ZNF273: variants seen among roughly 807,000 people sequenced by gnomAD.
The protein encoded by ZNF273 is zinc finger protein 9.
A neutral mutation model predicts 14.9 loss-of-function variants in ZNF273; 11 were observed. The ratio of observed to expected loss-of-function variants is 0.74; its 90% CI spans 0.46 to 1.22. The LOEUF (loss-of-function observed/expected upper bound fraction) is 1.22. ZNF273 is among the 50% of genes most tolerant of loss of function. The pLI, the probability that ZNF273 is intolerant of heterozygous loss-of-function variation, is 0.00. For synonymous variants in ZNF273, 199 were observed against 223.9 expected, an observed-to-expected ratio of 0.89 and a Z score of 0.99; for missense variants, 577 against 660.6, an observed-to-expected ratio of 0.87 and a Z score of 1.39.
At chr7:64,882,989 G>A (rs1053709344), downstream of ZNF273, among the ~76,000 whole-genome samples, 1 of 152,244 alleles carries the variant, frequency 6.6e-6, no homozygotes, top group Admixed American at 6.5e-5. Context: ...GCGCGTGTGT[G>A]TGTTTCTGTG....
At chr7:64,899,423 G>A (rs924470764), upstream of ZNF273, among the ~76,000 whole-genome samples, 3 of 152,204 alleles carry the variant, frequency 2.0e-5, no homozygotes, top group Non-Finnish European at 2.9e-5. Flanking sequence ...GGGAGGCCAA[G>A]GTGAGTGGAT....
rs1239360515 is a variant in ZNF273, at chr7:64,917,613, A to AT, written c.137dup (p.Ser47LeufsTer17). 1 of 1,599,818 alleles carries AT rather than the reference A, an allele frequency of 6.3e-7. No individual in the cohort carries two copies. The highest frequency in any genetic ancestry group is 1.3e-5 in the African/African-American group (1 of 74,652). On this transcript the variant is annotated frameshift_variant, in exon 2 of 4. Coordinates refer to ENST00000476120, the MANE Select transcript of ZNF273 (RefSeq NM_021148.3). LOFTEE classifies it high-confidence loss of function. Reference sequence around the variant, plus strand: ...TGACATTTAGGGATGTGGCCATAGAATTCTCTCTGGAGGAGTGGCAATGCC... The same window carrying AT: ...TGACATTTAGGGATGTGGCCATAGAATTTCTCTCTGGAGGAGTGGCAATGCC...
At chr7:64,921,172 CT>C (rs1235865622) in intron 3 of ZNF273, among the ~76,000 whole-genome samples, 6 of 151,866 alleles carry the variant, frequency 4.0e-5, no homozygotes, top group Non-Finnish European at 7.4e-5. Flanking sequence ...TTAAGTGATT[CT>C]CCTGCCTCAG....
chr7:64,917,541 C>T, intron 1 of ZNF273, 40 bp from the exon 2 acceptor site: 5 of 1,572,606 alleles, frequency 3.2e-6, no homozygotes, highest in Non-Finnish European at 4.3e-6. Context: ...CTGTCCAGAG[C>T]AAGTTGGTAA....
At chr7:64,897,729 T>C (rs928846116) in exon 4 of ZNF273, 3 of 126,954 alleles carry the variant, frequency 2.4e-5, no homozygotes, top group African/African-American at 8.7e-5. Flanking sequence ...TTTTTTTTTT[T>C]CTGAGACGGA....
chr7:64,886,462 A>C (rs1380865023), intron 1 of ZNF273, among the ~76,000 whole-genome samples: 1 of 152,254 alleles, frequency 6.6e-6, no homozygotes, highest in Non-Finnish European at 1.5e-5. Context: ...TTGGTGGAGA[A>C]AATTTAACTC....
At chr7:64,888,272 C>T (rs906226368) in intron 1 of ZNF273, 3 of 984,760 alleles carry the variant, frequency 3.0e-6, no homozygotes, top group Non-Finnish European at 3.6e-6. Flanking sequence ...ATGTCCCTGT[C>T]TCTATGGGGG....
At position 64,928,399 on chromosome 7, in the gene ZNF273, G is replaced by A; in HGVS notation, c.1071G>A (p.Trp357Ter). 6.2e-7 allele frequency: 1 copy of A among 1,611,566 alleles called. No homozygotes were observed. Among genetic ancestry groups the A allele is most frequent in the Non-Finnish European group, 8.5e-7 (1 of 1,179,442 alleles). Residue 357 changes from tryptophan (W) to a stop codon, truncating the protein, a stop_gained, in exon 4 of 4, where the codon TGG (tryptophan) becomes TGA (stop). Coordinates refer to ENST00000476120, the MANE Select transcript of ZNF273 (RefSeq NM_021148.3). LOFTEE classifies it high-confidence loss of function. ...ATGAATGTGGTAAAGCCTTTAACTGGTCCTCAACTCTTACTAAACATAAGA... is the reference window on the plus strand; with the variant it reads ...ATGAATGTGGTAAAGCCTTTAACTGATCCTCAACTCTTACTAAACATAAGA... Reference protein sequence around the residue: ...KCNECGKAFNWSSTLTKHKRI... With the variant: ...KCNECGKAFN
intron 3 of ZNF273, chr7:64,923,433 C>T (rs540244650): frequency 3.5e-5 from 16 of 451,260 alleles, no homozygotes; most frequent in Admixed American, 1.4e-4. Flanking sequence ...CTCTGCCCCT[C>T]GGGATTCAAG....
At chr7:64,916,565 A>G (rs76401107) in intron 1 of ZNF273, among the ~76,000 whole-genome samples, 2 of 142,432 alleles carry the variant, frequency 1.4e-5, no homozygotes, top group Non-Finnish European at 3.1e-5. Flanking sequence ...AAAAAAAAAA[A>G]CCATACACAC....
At chr7:64,921,627 TTTTTTTTTTTGTGTG>T (rs1794460204) in intron 3 of ZNF273, among the ~76,000 whole-genome samples, 5 of 39,504 alleles carry the variant, frequency 1.3e-4, no homozygotes, top group Non-Finnish European at 1.2e-4. Context: ...TTTTTTTTTT[TTTTTTTTTTTGTGTG>T]TGAGACAGAG....
downstream of ZNF273, chr7:64,889,393 G>A: frequency 1.0e-6 from 1 of 980,660 alleles, no homozygotes; most frequent in Non-Finnish European, 1.2e-6. This position sits in a 1 kb window ranked among gnomAD's most constrained non-coding sequence, Gnocchi z 4.2. Context: ...GGGCCGTGCG[G>A]CTCCTGCGGG....
intron 1 of ZNF273, among the ~76,000 whole-genome samples, chr7:64,916,014 G>A (rs1793951973): frequency 6.6e-6 from 1 of 152,044 alleles, no homozygotes; most frequent in South Asian, 2.1e-4. Flanking sequence ...TGGCCAACAT[G>A]GTGAAACCTC....
downstream of ZNF273, among the ~76,000 whole-genome samples, chr7:64,894,741 T>C (rs765356905): frequency 4.7e-4 from 72 of 152,190 alleles, 1 homozygote; most frequent in Non-Finnish European, 6.3e-4. Context: ...GACAGTCTAT[T>C]TATATAATTT....
chr7:64,935,752 C>T (rs1443897021), downstream of ZNF273, among the ~76,000 whole-genome samples: 2 of 152,074 alleles, frequency 1.3e-5, no homozygotes, highest in Non-Finnish European at 2.9e-5. Context: ...GAACTCCTGA[C>T]CTCCAGTAAT....
At chr7:64,920,723 GT>G (rs1794378317) in intron 3 of ZNF273, among the ~76,000 whole-genome samples, 1 of 151,740 alleles carries the variant, frequency 6.6e-6, no homozygotes, top group Admixed American at 6.6e-5. Flanking sequence ...CTTTAGCAGA[GT>G]TTCATAACTC....
At chr7:64,910,890 T>A (rs1301596940) in intron 1 of ZNF273, among the ~76,000 whole-genome samples, 3 of 151,410 alleles carry the variant, frequency 2.0e-5, no homozygotes, top group Non-Finnish European at 2.9e-5. Context: ...CTCAGCCTCC[T>A]AAGTAGCTGG....
Position 64,925,596 on chromosome 7 carries a change from C to A in ZNF273, c.326-2058C>A, listed in dbSNP as rs973095085. ...GGGACTACAGGCGCGCGCCACCATGCCTGGCTAATTTTTGTATTTTTTTAG... is the reference window on the plus strand; with the variant it reads ...GGGACTACAGGCGCGCGCCACCATGACTGGCTAATTTTTGTATTTTTTTAG... On this transcript the variant is annotated intron_variant, in intron 3 of 3. Transcript: ENST00000476120. Among the ~76,000 whole-genome samples the A allele has an allele frequency of 7.2e-5, 11 of 152,128 alleles. No individual in the cohort carries two copies. In the South Asian group the frequency reaches 2.3e-3, roughly 32 times the overall value.
rs1234064409 is a variant in ZNF273 at position 64,919,908 on chromosome 7, C to CT, written c.325+1628dup. Among the ~76,000 whole-genome samples, 95 of 141,990 alleles carry CT rather than the reference C, an allele frequency of 6.7e-4. No homozygotes were observed. In the East Asian group the frequency reaches 6.8e-3, roughly 10 times the overall value. The allele number at this position is 141,990 out of a possible 152,430, so 93.2% of individuals were successfully genotyped here. A position where few individuals can be genotyped will look rare whatever the true frequency, so the allele number is the denominator to read the frequency against. On this transcript the variant is annotated intron_variant, in intron 3 of 3. Coordinates refer to ENST00000476120, the MANE Select transcript of ZNF273 (RefSeq NM_021148.3). ...TCCTCAATTTCAATGGCTATTTTTT[C>CT]TTTTTTTTTTTTAAACTAATTCTTC... is the stretch of plus-strand genomic sequence containing the variant.
Sources: gnomAD v4.1 joint callset for allele counts (sites outside exome capture counted in the v4.1 genomes callset) on GRCh38, gnomAD v4.1.1 for gene constraint, Gnocchi (gnomAD v3.1) non-coding constraint, MANE v1.5 for transcripts, NCBI Gene and HGNC (gene_info 2026-07-23, HGNC 2026-07-21) for gene names.